TTLL11: variants seen among roughly 807,000 people sequenced by gnomAD.
The protein encoded by TTLL11 is tubulin polyglutamylase TTLL11.
Under a neutral mutation model 51.7 loss-of-function variants are expected in TTLL11, and 42 were observed. The ratio of observed to expected loss-of-function variants is 0.81; its 90% CI spans 0.64 to 1.05. The LOEUF (loss-of-function observed/expected upper bound fraction) is 1.05. Among genes scored for constraint, TTLL11 ranks in the 50% least tolerant of loss-of-function variants. TTLL11 has a pLI of 0.00. For synonymous variants in TTLL11, 381 were observed against 383.5 expected, an observed-to-expected ratio of 0.99 and a Z score of 0.08; for missense variants, 799 against 940.4, an observed-to-expected ratio of 0.85 and a Z score of 1.97.
At chr9:121,865,684 G>T (rs1838156247) in intron 7 of TTLL11, among the ~76,000 whole-genome samples, 1 of 151,590 alleles carries the variant, frequency 6.6e-6, no homozygotes, top group South Asian at 2.1e-4. Flanking sequence ...CGGGGAAAAA[G>T]GTGGCTTCAC....
intron 8 of TTLL11, among the ~76,000 whole-genome samples, chr9:121,846,241 TTAACATGTATGCACC>T (rs899162316): frequency 2.6e-5 from 4 of 152,162 alleles, no homozygotes; most frequent in African/African-American, 9.6e-5. Flanking sequence ...ATAATAATCC[TTAACATGTATGCACC>T]TAACAATGGA....
intron 7 of TTLL11, among the ~76,000 whole-genome samples, chr9:121,860,778 T>A (rs1248614058): frequency 1.3e-5 from 2 of 152,224 alleles, no homozygotes; most frequent in East Asian, 3.8e-4. Context: ...AGCACCTTGA[T>A]CTTGGTCTTC....
chr9:121,852,639 C>T (rs58011736), intron 8 of TTLL11, among the ~76,000 whole-genome samples: 9,967 of 152,146 alleles, frequency 0.066, 488 homozygotes, highest in African/African-American at 0.12. Flanking sequence ...GGCACTCGCC[C>T]GACAAAGGGG....
intron 8 of TTLL11, among the ~76,000 whole-genome samples, chr9:121,837,942 T>G (rs1837226703): frequency 6.6e-6 from 1 of 152,150 alleles, no homozygotes; most frequent in South Asian, 2.1e-4. Flanking sequence ...CTCCTGCTTC[T>G]TGCTCTCTCT....
chr9:122,041,725 TG>T (rs2131829199), intron 1 of TTLL11, among the ~76,000 whole-genome samples: 1 of 152,142 alleles, frequency 6.6e-6, no homozygotes, highest in African/African-American at 2.4e-5. Context: ...GTGAAAGACT[TG>T]TACACTGAAA....
intron 7 of TTLL11, among the ~76,000 whole-genome samples, chr9:121,865,485 A>G (rs1371045014): frequency 6.6e-6 from 1 of 152,230 alleles, no homozygotes; most frequent in African/African-American, 2.4e-5. Context: ...CTGGGCTGCC[A>G]TCACGAAAAA....
At chr9:121,964,857 T>A (rs1310194827) in intron 6 of TTLL11, among the ~76,000 whole-genome samples, 1 of 152,136 alleles carries the variant, frequency 6.6e-6, no homozygotes, top group Non-Finnish European at 1.5e-5. Context: ...GTTCTTCCCA[T>A]CAGGAAATAA....
At chr9:121,956,929 T>A (rs1000303197) in intron 6 of TTLL11, among the ~76,000 whole-genome samples, 2 of 152,178 alleles carry the variant, frequency 1.3e-5, no homozygotes, top group Non-Finnish European at 2.9e-5. Context: ...CCCCATCCAG[T>A]CCTACGCCTT....
intron 7 of TTLL11, among the ~76,000 whole-genome samples, chr9:121,864,085 T>G (rs1175995632): frequency 1.3e-5 from 2 of 152,196 alleles, no homozygotes; most frequent in Non-Finnish European, 2.9e-5. Flanking sequence ...ACATTCTCAA[T>G]AAACTCAAAC....
In TTLL11 at chr9:121,987,999, G is replaced by A. The variant is rs369693351; in HGVS notation, c.1269+1196C>T. Among the ~76,000 whole-genome samples, 163 of 152,084 alleles carry A rather than the reference G, an allele frequency of 1.1e-3. 1 individual carries two copies. Among genetic ancestry groups the A allele is most frequent in the African/African-American group, 3.8e-3 (156 of 41,506 alleles). On this transcript the variant is annotated intron_variant, in intron 4 of 8. Transcript: ENST00000321582. ...TCCAACTCCCAACCTTCCCCCAACA[G>A]CCTGGTCCTCTTCCGGGGCCTCCAT...
At chr9:121,950,025 C>G (rs1841800452) in intron 6 of TTLL11, among the ~76,000 whole-genome samples, 2 of 152,062 alleles carry the variant, frequency 1.3e-5, no homozygotes, top group South Asian at 4.2e-4. Flanking sequence ...TATCTTTCAC[C>G]TTTTCCCTAT....
rs386416140 is a variant in TTLL11 at position 121,938,294 on chromosome 9, GA to G, written c.1481+35714del. 2.0e-3 allele frequency among the ~76,000 whole-genome samples: 253 copies of G among 125,404 alleles called. 1 individual carries two copies. Among genetic ancestry groups the G allele is most frequent in the African/African-American group, 3.7e-3 (128 of 34,694 alleles). 82.3% of individuals were successfully genotyped at this position (125,404 alleles called of 152,430 possible). ...ACAGAGTGAGACGCTGTCTCAAAAA[GA>G]AAAAAAAAAAAATCAGGAATATGAC... On this transcript the variant is annotated intron_variant, in intron 6 of 8. Transcript: ENST00000321582.
In TTLL11 at chr9:121,989,672, G is replaced by A. The variant is rs201284458; in HGVS notation, c.792C>T (p.Asp264=). 1.7e-4 allele frequency: 274 copies of A among 1,614,028 alleles called. No individual in the cohort carries two copies. Among genetic ancestry groups the A allele is most frequent in the Non-Finnish European group, 2.2e-4 (257 of 1,180,036 alleles). ...CQGDGIYLIK[D]PSDIRLAGTL... ...TCCCTGCCAGGCGGATGTCACTGGG[G>A]TCTTTAATGAGGTAGATTCCATCAC... Residue 264 remains aspartate (D), a synonymous_variant, in exon 4 of 9, where the codon GAC becomes GAT. Coordinates refer to ENST00000321582, the MANE Select transcript of TTLL11 (RefSeq NM_001139442.2). The surrounding 1 kb of genome is among the most constrained non-coding windows in gnomAD (Gnocchi z 4.2).
At chr9:121,929,434 C>CG (rs1384189936) in intron 6 of TTLL11, among the ~76,000 whole-genome samples, 2 of 146,294 alleles carry the variant, frequency 1.4e-5, no homozygotes, top group Non-Finnish European at 3.0e-5. Flanking sequence ...AGCGAGACCC[C>CG]GTCTCAAAAA....
chr9:122,032,008 G>A, intron 2 of TTLL11, 152 bp from the exon 3 acceptor site: 2 of 1,054,144 alleles, frequency 1.9e-6, no homozygotes, highest in Non-Finnish European at 2.6e-6. Flanking sequence ...CCACAGCGGT[G>A]ACTCATGGTT....
At chr9:121,971,492 A>G (rs1213499334) in intron 6 of TTLL11, among the ~76,000 whole-genome samples, 14 of 131,982 alleles carry the variant, frequency 1.1e-4, no homozygotes, top group Non-Finnish European at 2.4e-4. Context: ...CCGGGAGGTG[A>G]GGGGCGCCTC....
At chr9:121,847,157 GCGAGATCGCAC>G (rs1289702966) in intron 8 of TTLL11, among the ~76,000 whole-genome samples, 8 of 150,618 alleles carry the variant, frequency 5.3e-5, no homozygotes, top group African/African-American at 2.0e-4. Context: ...TTGCCGTGAG[GCGAGATCGCAC>G]CACTGCACTC....
chr9:122,078,656 T>G (rs1845921108), intron 1 of TTLL11, among the ~76,000 whole-genome samples: 2 of 152,244 alleles, frequency 1.3e-5, no homozygotes, highest in African/African-American at 4.8e-5. Context: ...TTATAGCTTT[T>G]TATGCTGGCA....
intron 7 of TTLL11, among the ~76,000 whole-genome samples, chr9:121,860,696 AC>A (rs1306649560): frequency 1.3e-5 from 2 of 152,222 alleles, no homozygotes; most frequent in African/African-American, 4.8e-5. Flanking sequence ...TCTACTCTCC[AC>A]CATGTGAACA....
Sources: allele counts gnomAD v4.1 joint callset (sites outside exome capture counted in the v4.1 genomes callset), GRCh38; gene constraint gnomAD v4.1.1; non-coding constraint Gnocchi (gnomAD v3.1); transcripts MANE v1.5; gene names NCBI Gene and HGNC (gene_info 2026-07-23, HGNC 2026-07-21).